CARMIL1: variants seen among roughly 807,000 people sequenced by gnomAD.
CARMIL1 encodes the protein F-actin-uncapping protein LRRC16A.
In CARMIL1, 90 loss-of-function variants were observed where a neutral mutation model predicts 177.1. That is an observed-to-expected ratio of 0.51 (90% CI 0.43 to 0.61). CARMIL1 has a LOEUF of 0.61. Among genes scored for constraint, CARMIL1 ranks in the 20% least tolerant of loss-of-function variants. The pLI is 0.00. For synonymous variants in CARMIL1, 577 were observed against 606.2 expected (o/e 0.95, Z 0.71); for missense variants, 1,380 against 1,667.0 (o/e 0.83, Z 3.00).
At chr6:25,474,927 G>T (rs1459376086) in intron 11 of CARMIL1, among the ~76,000 whole-genome samples, 2 of 152,150 alleles carry the variant, frequency 1.3e-5, no homozygotes, top group African/African-American at 4.8e-5. Flanking sequence ...ACCAGGAAGG[G>T]GACACTTCTC....
intron 16 of CARMIL1, among the ~76,000 whole-genome samples, 199 bp downstream of exon 16, chr6:25,495,414 A>G (rs1315956031): frequency 6.6e-6 from 1 of 152,240 alleles, no homozygotes; most frequent in Non-Finnish European, 1.5e-5. Context: ...TCTTCTAAGA[A>G]AAAACATCTT....
intron 12 of CARMIL1, among the ~76,000 whole-genome samples, chr6:25,486,513 C>A (rs1802670403): frequency 6.6e-6 from 1 of 152,140 alleles, no homozygotes; most frequent in Admixed American, 6.5e-5. Flanking sequence ...TGATGAGAAT[C>A]TGGTATTGGC....
chr6:25,399,240 A>G (rs149496348), intron 2 of CARMIL1, among the ~76,000 whole-genome samples: 23 of 152,302 alleles, frequency 1.5e-4, no homozygotes, highest in African/African-American at 5.1e-4. Flanking sequence ...TAGGGGCTGC[A>G]CGGCTACTAT....
At chr6:25,330,888 G>GTTTTTTTT (rs67633087) in intron 2 of CARMIL1, among the ~76,000 whole-genome samples, 1 of 118,226 alleles carries the variant, frequency 8.5e-6, no homozygotes, top group Non-Finnish European at 1.7e-5. Context: ...TTTTCAAGAG[G>GTTTTTTTT]TTTTTTTTTT....
intron 2 of CARMIL1, among the ~76,000 whole-genome samples, chr6:25,389,697 A>G (rs1291169085): frequency 6.6e-6 from 1 of 152,222 alleles, no homozygotes; most frequent in East Asian, 1.9e-4. Flanking sequence ...ATCAGAGCCA[A>G]TTAAGCAGGG....
At position 25,495,256 on chromosome 6, in the gene CARMIL1, A is replaced by G. The variant is rs375150519; in HGVS notation, c.1325+41A>G. The G allele has an allele frequency of 3.0e-4, 424 of 1,398,098 alleles. 2 individuals are homozygous for G. The highest frequency in any genetic ancestry group is 4.3e-4 in the Admixed American group (21 of 48,798). The allele number at this position is 1,398,098 out of a possible 1,614,324, so 86.6% of individuals were successfully genotyped here. On this transcript the variant is annotated intron_variant, in intron 16 of 36. Transcript: ENST00000329474. The stretch of plus-strand genomic sequence containing the variant: ...ACTTTCTCCAGAGCTTTTAAAGTTC[A>G]ACTTATTTTTACGAATGTGCTTGAG...
At chr6:25,397,899 T>A (rs1793558559) in intron 2 of CARMIL1, among the ~76,000 whole-genome samples, 1 of 152,218 alleles carries the variant, frequency 6.6e-6, no homozygotes, top group Non-Finnish European at 1.5e-5. Flanking sequence ...ACATTTAGGT[T>A]TATTTTCATT....
At chr6:25,454,422 G>A (rs747950925) in intron 8 of CARMIL1, among the ~76,000 whole-genome samples, 26 of 152,060 alleles carry the variant, frequency 1.7e-4, no homozygotes, top group Non-Finnish European at 2.5e-4. Context: ...TAGGTGTCAC[G>A]GGCTGTAGTC....
intron 29 of CARMIL1, among the ~76,000 whole-genome samples, chr6:25,578,285 C>T (rs1812784054): frequency 6.6e-6 from 1 of 152,140 alleles, no homozygotes; most frequent in African/African-American, 2.4e-5. Flanking sequence ...GAGAAGAGAG[C>T]TAACAGTGTT....
intron 2 of CARMIL1, among the ~76,000 whole-genome samples, chr6:25,306,793 G>T (rs1355832318): frequency 2.0e-5 from 3 of 150,056 alleles, no homozygotes; most frequent in African/African-American, 7.4e-5. Context: ...CCTTCTTTCA[G>T]TTCTTTTGAG....
At chr6:25,373,558 A>G (rs963617684) in intron 2 of CARMIL1, among the ~76,000 whole-genome samples, 1 of 150,552 alleles carries the variant, frequency 6.6e-6, no homozygotes, top group African/African-American at 2.4e-5. Flanking sequence ...TCTTTTGGTT[A>G]TAATGTCTCA....
At chr6:25,437,952 G>A (rs1005912332) in intron 5 of CARMIL1, among the ~76,000 whole-genome samples, 2 of 151,988 alleles carry the variant, frequency 1.3e-5, no homozygotes, top group African/African-American at 2.4e-5. Context: ...ACTGTCATCC[G>A]AGTTATCTTT....
At position 25,515,604 on chromosome 6, in the gene CARMIL1, C is replaced by T. The variant is rs567557551; in HGVS notation, c.1633-71C>T. 1.3e-5 allele frequency: 18 copies of T among 1,426,566 alleles called. No individual in the cohort carries two copies. The highest frequency in any genetic ancestry group is 7.5e-5 in the East Asian group (3 of 39,912). 88.4% of individuals were successfully genotyped at this position (1,426,566 alleles called of 1,614,324 possible). A position where few individuals can be genotyped will look rare whatever the true frequency, so the allele number is the denominator to read the frequency against. ...TAGGTCCATCCCCTCTCATTCTCCACGAAATGCGTCGTGGAGAGTGGGTGC... is the reference window on the plus strand; with the variant it reads ...TAGGTCCATCCCCTCTCATTCTCCATGAAATGCGTCGTGGAGAGTGGGTGC... On this transcript the variant is annotated intron_variant, in intron 20 of 36. Transcript: ENST00000329474. The surrounding 1 kb of genome is among the most constrained non-coding windows in gnomAD (Gnocchi z 5.0).
chr6:25,497,044 A>C (rs76882917), intron 16 of CARMIL1, among the ~76,000 whole-genome samples: 1,679 of 152,306 alleles, frequency 0.011, 21 homozygotes, highest in African/African-American at 0.032. Context: ...ATAGTGTTAA[A>C]TCAGTAGTCT....
chr6:25,307,050 T>G (rs1385544264), intron 2 of CARMIL1, among the ~76,000 whole-genome samples: 1 of 152,080 alleles, frequency 6.6e-6, no homozygotes, highest in African/African-American at 2.4e-5. Flanking sequence ...GGCTAATTTT[T>G]TTGTATTTTT....
At position 25,498,896 on chromosome 6, in the gene CARMIL1, A is replaced by T. The variant is rs190951545; in HGVS notation, c.1326-1270A>T. The stretch of plus-strand genomic sequence containing the variant: ...GCAATTGAACAAGTACACAGATGAG[A>T]TATACCCAGTCTTTCTCAAAGGACA... On this transcript the variant is annotated intron_variant, in intron 16 of 36. Transcript: ENST00000329474. 1.4e-4 allele frequency among the ~76,000 whole-genome samples: 22 copies of T among 152,356 alleles called. No individual in the cohort carries two copies. The East Asian group carries it at 4.2e-3, about 29-fold the overall frequency.
At chr6:25,306,183 A>G (rs1292195800) in intron 2 of CARMIL1, among the ~76,000 whole-genome samples, 3 of 152,130 alleles carry the variant, frequency 2.0e-5, no homozygotes, top group Non-Finnish European at 4.4e-5. Flanking sequence ...AATCAATTAT[A>G]TAATACGTGG....
chr6:25,334,894 G>A (rs962268478), intron 2 of CARMIL1, among the ~76,000 whole-genome samples: 3 of 152,142 alleles, frequency 2.0e-5, no homozygotes, highest in Non-Finnish European at 4.4e-5. Context: ...TGCTGGAGAC[G>A]GTGACATTTT....
intron 26 of CARMIL1, among the ~76,000 whole-genome samples, chr6:25,544,763 A>G (rs1013362712): frequency 6.6e-6 from 1 of 152,198 alleles, no homozygotes; most frequent in Admixed American, 6.5e-5. Flanking sequence ...TAGTAGCATT[A>G]CATGAAACAA....
Sources: gnomAD v4.1 joint callset for allele counts (sites outside exome capture counted in the v4.1 genomes callset) on GRCh38, gnomAD v4.1.1 for gene constraint, Gnocchi (gnomAD v3.1) non-coding constraint, MANE v1.5 for transcripts, NCBI Gene and HGNC (gene_info 2026-07-23, HGNC 2026-07-21) for gene names.